Variants in HECW1 observed in about 807,000 individuals in gnomAD.
The protein encoded by HECW1 is E3 ubiquitin-protein ligase HECW1.
A neutral mutation model predicts 182.3 loss-of-function variants in HECW1; 61 were observed. The ratio of observed to expected loss-of-function variants is 0.33; its 90% CI spans 0.27 to 0.41. The LOEUF (loss-of-function observed/expected upper bound fraction) is 0.41, where lower values mean the gene tolerates loss of function less well. HECW1 is among the 10% of genes least tolerant of loss of function. HECW1 has a pLI of 1.00. For missense variants in HECW1, 1,739 were observed against 2,108.9 expected (o/e 0.82, Z 3.44); for synonymous variants, 859 against 832.6 (o/e 1.03, Z -0.55).
chr7:43,468,818 T>C (rs1210097879), intron 15 of HECW1, 102 bp from the exon 16 acceptor site: 1 of 995,658 alleles, frequency 1.0e-6, no homozygotes, highest in Admixed American at 2.3e-5. Flanking sequence ...TAAACTGCTG[T>C]GTCACAATCA....
chr7:43,176,661 T>C (rs1014295794), intron 2 of HECW1, among the ~76,000 whole-genome samples: 4 of 152,190 alleles, frequency 2.6e-5, no homozygotes, highest in Non-Finnish European at 5.9e-5. Flanking sequence ...ATTAATCTAC[T>C]AAATCATAAA....
At chr7:43,184,728 C>T (rs11766064) in intron 2 of HECW1, among the ~76,000 whole-genome samples, 36,684 of 152,132 alleles carry the variant, frequency 0.24, 4,617 homozygotes, top group Middle Eastern at 0.27. Flanking sequence ...AAAGAAATAT[C>T]TGAGACTGGG....
intron 7 of HECW1, among the ~76,000 whole-genome samples, chr7:43,398,992 C>T (rs1251333366): frequency 6.6e-6 from 1 of 152,250 alleles, no homozygotes; most frequent in African/African-American, 2.4e-5. Context: ...AGTACAGCAT[C>T]TGCAAAATAT....
At chr7:43,338,279 G>T (rs1812544121) in intron 5 of HECW1, among the ~76,000 whole-genome samples, 1 of 152,148 alleles carries the variant, frequency 6.6e-6, no homozygotes, top group South Asian at 2.1e-4. Flanking sequence ...CAGGATAGGG[G>T]ACTGCAGCGT....
At chr7:43,236,999 A>AG (rs1462899549) in intron 2 of HECW1, among the ~76,000 whole-genome samples, 1 of 152,102 alleles carries the variant, frequency 6.6e-6, no homozygotes, top group Non-Finnish European at 1.5e-5. Context: ...CCAAAAAAAA[A>AG]CTAACTATAC....
intron 5 of HECW1, among the ~76,000 whole-genome samples, chr7:43,355,030 G>GAAA (rs71562093): frequency 2.8e-5 from 4 of 142,516 alleles, no homozygotes; most frequent in Admixed American, 7.1e-5. Flanking sequence ...GTGCTGAAAG[G>GAAA]AAAAAAAAAA....
chr7:43,141,569 A>G (rs56391205), intron 2 of HECW1, among the ~76,000 whole-genome samples: 68,202 of 151,760 alleles, frequency 0.45, 15,444 homozygotes, highest in African/African-American at 0.46. Flanking sequence ...GCGCAATCTC[A>G]GCTCACCGCG....
At chr7:43,487,984 A>G (rs369194610) in intron 17 of HECW1, among the ~76,000 whole-genome samples, 7 of 126,876 alleles carry the variant, frequency 5.5e-5, no homozygotes, top group African/African-American at 1.8e-4. Context: ...GAGAGAGAGA[A>G]AGAAAAAAGA....
intron 26 of HECW1, among the ~76,000 whole-genome samples, chr7:43,547,285 A>G (rs1402343884): frequency 6.6e-6 from 1 of 152,192 alleles, no homozygotes; most frequent in Admixed American, 6.5e-5. Flanking sequence ...ATGGTGGCTC[A>G]TGCCTGTAAT....
intron 4 of HECW1, among the ~76,000 whole-genome samples, chr7:43,317,143 G>A (rs1275830050): frequency 6.6e-6 from 1 of 152,140 alleles, no homozygotes; most frequent in African/African-American, 2.4e-5. Context: ...TCTTGGGCCT[G>A]TGGCTGCTAC....
At chr7:43,457,813 A>G (rs1432541252) in intron 13 of HECW1, among the ~76,000 whole-genome samples, 1 of 152,064 alleles carries the variant, frequency 6.6e-6, no homozygotes, top group Non-Finnish European at 1.5e-5. Flanking sequence ...GAAACAAAAA[A>G]ATAAAAATGA....
intron 8 of HECW1, among the ~76,000 whole-genome samples, chr7:43,416,675 A>G (rs1411819714): frequency 6.1e-5 from 9 of 146,470 alleles, no homozygotes; most frequent in Admixed American, 5.4e-4. Flanking sequence ...GCTAGCAATC[A>G]GCGAGATTCC....
At chr7:43,427,547 A>G (rs1032074508) in intron 8 of HECW1, among the ~76,000 whole-genome samples, 3 of 152,222 alleles carry the variant, frequency 2.0e-5, no homozygotes, top group African/African-American at 7.2e-5. Context: ...GCCCTAATTT[A>G]GACTACTGCG....
At chr7:43,185,984 G>A (rs544320458) in intron 2 of HECW1, among the ~76,000 whole-genome samples, 40 of 152,152 alleles carry the variant, frequency 2.6e-4, no homozygotes, top group Non-Finnish European at 4.9e-4. Flanking sequence ...TAGGTTGTAT[G>A]TTGAAGAACC....
intron 9 of HECW1, chr7:43,439,234 A>G (rs2076802841): frequency 6.6e-6 from 1 of 152,194 alleles, no homozygotes; most frequent in Non-Finnish European, 1.5e-5. Context: ...TTTTTATTTC[A>G]TTTAGTCCTC....
At chr7:43,278,460 T>C (rs2152745956) in intron 3 of HECW1, among the ~76,000 whole-genome samples, 1 of 152,224 alleles carries the variant, frequency 6.6e-6, no homozygotes, top group South Asian at 2.1e-4. Flanking sequence ...CTGCTCCTCC[T>C]GTTCCCACCC....
intron 3 of HECW1, among the ~76,000 whole-genome samples, chr7:43,247,279 G>A (rs1799463342): frequency 6.6e-6 from 1 of 152,120 alleles, no homozygotes; most frequent in Admixed American, 6.5e-5. Context: ...TTCTGTTTAG[G>A]GCATGTGCTA....
chr7:43,180,767 A>G (rs1385560112), intron 2 of HECW1, among the ~76,000 whole-genome samples: 5 of 152,246 alleles, frequency 3.3e-5, no homozygotes, highest in Non-Finnish European at 7.3e-5. Flanking sequence ...GTCTCAGTAC[A>G]TGTGCACATT....
chr7:43,213,690 C>A (rs1241929956), intron 2 of HECW1, among the ~76,000 whole-genome samples: 1 of 152,050 alleles, frequency 6.6e-6, no homozygotes, highest in African/African-American at 2.4e-5. Context: ...CGTGATCCAC[C>A]CGCCTCAGCC....
Sources: allele counts gnomAD v4.1 joint callset (sites outside exome capture counted in the v4.1 genomes callset), GRCh38; gene constraint gnomAD v4.1.1; transcripts MANE v1.5; gene names NCBI Gene and HGNC (gene_info 2026-07-23, HGNC 2026-07-21).